The following SAMSN1 variants were observed in gnomAD, a reference collection of about 807,000 sequenced individuals.
SAMSN1 encodes the protein SAM domain-containing protein SAMSN-1.
A neutral mutation model predicts 42.0 loss-of-function variants in SAMSN1; 31 were observed. That is an observed-to-expected ratio of 0.74 (90% CI 0.55 to 1.00). The LOEUF (loss-of-function observed/expected upper bound fraction) is 1.00, where lower values mean the gene tolerates loss of function less well. Ranked by LOEUF, SAMSN1 falls within the 50% of genes least tolerant of loss-of-function variation. The pLI, the probability that SAMSN1 is intolerant of heterozygous loss-of-function variation, is 0.00. For synonymous variants in SAMSN1, 178 were observed against 151.9 expected, an observed-to-expected ratio of 1.17 and a Z score of -1.26; for missense variants, 464 against 439.4, an observed-to-expected ratio of 1.06 and a Z score of -0.50.
At chr21:14,579,591 A>G (rs9979733) in intron 2 of SAMSN1, among the ~76,000 whole-genome samples, 150,337 of 150,338 alleles carry the variant, frequency 1, 75,168 homozygotes, top group Non-Finnish European at 1. Context: ...GTGCTACTCA[A>G]ATATTTATTT....
chr21:14,521,213 G>A lies in SAMSN1; in HGVS notation c.66C>T (p.Ser22=), dbSNP rs1472125112. ...GAAAACGATCGAAATTCCCAAAACT[G>A]CTGCTTCGCTATAAAATAGAAAAGA... ...KEKHQKPKRS[S]SFGNFDRFRN... The change falls in exon 2 of 8, where the codon AGC becomes AGT. Residue 22 remains serine, a synonymous_variant. Coordinates refer to ENST00000400566, the MANE Select transcript of SAMSN1 (RefSeq NM_022136.5). The A allele has an allele frequency of 6.2e-7, 1 of 1,609,402 alleles. No individual in the cohort carries two copies.
At chr21:14,564,905 G>T (rs1241824847) in intron 2 of SAMSN1, among the ~76,000 whole-genome samples, 1 of 152,078 alleles carries the variant, frequency 6.6e-6, no homozygotes, top group Non-Finnish European at 1.5e-5. Flanking sequence ...TCCAAAACAG[G>T]GTTCAGGAAT....
At chr21:14,529,499 C>T (rs1189108747) in intron 1 of SAMSN1, among the ~76,000 whole-genome samples, 1 of 152,136 alleles carries the variant, frequency 6.6e-6, no homozygotes, top group Non-Finnish European at 1.5e-5. Context: ...TGTTTAAAGA[C>T]CATAAGGGTT....
chr21:14,529,478 T>A (rs913905652), intron 1 of SAMSN1, among the ~76,000 whole-genome samples: 3 of 152,194 alleles, frequency 2.0e-5, no homozygotes, highest in African/African-American at 7.2e-5. Context: ...CTAATGACAA[T>A]AATTTGTTGA....
chr21:14,502,784 G>A (rs8133615), intron 5 of SAMSN1, among the ~76,000 whole-genome samples: 10,747 of 152,200 alleles, frequency 0.071, 1,184 homozygotes, highest in African/African-American at 0.24. Flanking sequence ...GTGGGGAACA[G>A]TGCATTTTTA....
In SAMSN1 at chr21:14,600,151, A is replaced by C. The variant is rs548466039; in HGVS notation, c.399+1872T>G. 4.8e-4 allele frequency among the ~76,000 whole-genome samples: 73 copies of C among 152,274 alleles called. 1 individual carries two copies. The highest frequency in any genetic ancestry group is 1.7e-3 in the African/African-American group (69 of 41,564). On this transcript the variant is annotated intron_variant, in intron 6 of 15. Coordinates refer to the SAMSN1 transcript ENST00000647101. ...TCATTTGTTCACTGATGGAAGGCCA[A>C]GTTTCATGCCATAGTCCACTCTTAT...
At chr21:14,526,329 T>C (rs1256908359) in intron 1 of SAMSN1, among the ~76,000 whole-genome samples, 1 of 152,220 alleles carries the variant, frequency 6.6e-6, no homozygotes, top group African/African-American at 2.4e-5. Flanking sequence ...TGCCCTTGGA[T>C]TGCTGTTTTC....
chr21:14,521,705 C>G (rs1978495184), intron 1 of SAMSN1, among the ~76,000 whole-genome samples: 1 of 151,944 alleles, frequency 6.6e-6, no homozygotes, highest in African/African-American at 2.4e-5. Flanking sequence ...ACGCTGGGGC[C>G]TGTGGGGTGG....
At chr21:14,610,123 T>C (rs933263109) in intron 4 of SAMSN1, among the ~76,000 whole-genome samples, 2 of 152,196 alleles carry the variant, frequency 1.3e-5, no homozygotes, top group Admixed American at 1.3e-4. Flanking sequence ...CCTTAAAGTC[T>C]GGCTGCCTGT....
intron 6 of SAMSN1, among the ~76,000 whole-genome samples, chr21:14,500,140 T>G (rs977984965): frequency 3.3e-5 from 5 of 152,184 alleles, no homozygotes; most frequent in Non-Finnish European, 7.3e-5. Context: ...GATCTCTGCT[T>G]GGTAGAAAAT....
chr21:14,647,828 A>G (rs1237041191), intron 1 of SAMSN1, among the ~76,000 whole-genome samples: 2 of 146,722 alleles, frequency 1.4e-5, no homozygotes, highest in Admixed American at 1.4e-4. Context: ...ATTTTTGTAC[A>G]TTGATTTTGT....
In SAMSN1 at chr21:14,583,372, G is replaced by A. The variant is rs17240787; in HGVS notation, c.-145C>T. ...AAATACATTGTTTTCTATGGCCAAG[G>A]AATGGCGACAGTGGACACTGCTGAG... is the stretch of plus-strand genomic sequence containing the variant. On this transcript the variant is annotated 5_prime_UTR_variant, in exon 1 of 9. Coordinates refer to the SAMSN1 transcript ENST00000285670. 1,466 of 305,332 alleles carry A rather than the reference G, an allele frequency of 4.8e-3. 55 individuals are homozygous for A. The East Asian group carries it at 0.079, about 16-fold the overall frequency. 18.9% of individuals were successfully genotyped at this position (305,332 alleles called of 1,614,324 possible).
chr21:14,591,909 C>G (rs1287669518), intron 7 of SAMSN1: 1 of 152,116 alleles, frequency 6.6e-6, no homozygotes, highest in Non-Finnish European at 1.5e-5. Context: ...CTTTCAGAAG[C>G]CACACAGGCC....
At chr21:14,656,735 T>C (rs1983922584) in intron 1 of SAMSN1, among the ~76,000 whole-genome samples, 1 of 151,882 alleles carries the variant, frequency 6.6e-6, no homozygotes, top group Admixed American at 6.6e-5. Flanking sequence ...ATTAAGTTTC[T>C]GCCTTTATGT....
chr21:14,517,631 C>T (rs1262821683), intron 2 of SAMSN1, among the ~76,000 whole-genome samples: 1 of 151,970 alleles, frequency 6.6e-6, no homozygotes, highest in Non-Finnish European at 1.5e-5. Context: ...CTAGTTCCAG[C>T]CATTAGTACA....
intron 2 of SAMSN1, among the ~76,000 whole-genome samples, chr21:14,617,125 A>G (rs1982858219): frequency 6.6e-6 from 1 of 152,190 alleles, no homozygotes. Context: ...ATACTTGTGC[A>G]TGACCCATAG....
At chr21:14,549,498 G>A (rs999152727), upstream of SAMSN1, among the ~76,000 whole-genome samples, 1 of 152,032 alleles carries the variant, frequency 6.6e-6, no homozygotes, top group Non-Finnish European at 1.5e-5. Context: ...GCATGCCTCT[G>A]TGTATTGCTG....
At chr21:14,582,821 T>C (rs191590368) in intron 1 of SAMSN1, among the ~76,000 whole-genome samples, 2 of 151,452 alleles carry the variant, frequency 1.3e-5, no homozygotes, top group Admixed American at 6.5e-5. Context: ...CCACCTCTTA[T>C]GTTTCTATTC....
intron 1 of SAMSN1, among the ~76,000 whole-genome samples, chr21:14,528,132 G>T (rs907013108): frequency 6.6e-5 from 10 of 152,024 alleles, no homozygotes; most frequent in Non-Finnish European, 1.0e-4. Context: ...GAAATGAAAA[G>T]CTTTAGAAAA....
Sources: allele counts gnomAD v4.1 joint callset (sites outside exome capture counted in the v4.1 genomes callset), GRCh38; gene constraint gnomAD v4.1.1; transcripts MANE v1.5; gene names NCBI Gene and HGNC (gene_info 2026-07-23, HGNC 2026-07-21).